The following ROBO1 variants were observed in gnomAD, a reference collection of about 807,000 sequenced individuals.
ROBO1 encodes roundabout guidance receptor 1.
ROBO1 carries 149 observed loss-of-function variants against 195.9 expected under a neutral mutation model. That is an observed-to-expected ratio of 0.76 (90% CI 0.67 to 0.87). ROBO1 has a LOEUF of 0.87. ROBO1 is among the 40% of genes least tolerant of loss of function. The pLI, the probability that ROBO1 is intolerant of heterozygous loss-of-function variation, is 0.00. For synonymous variants in ROBO1, 816 were observed against 733.2 expected, an observed-to-expected ratio of 1.11 and a Z score of -1.82; for missense variants, 1,933 against 2,068.3, an observed-to-expected ratio of 0.93 and a Z score of 1.27.
intron 3 of ROBO1, among the ~76,000 whole-genome samples, chr3:79,070,667 A>G (rs2079073079): frequency 6.6e-6 from 1 of 151,774 alleles, no homozygotes; most frequent in African/African-American, 2.4e-5. Flanking sequence ...ATATGTAACT[A>G]TTAAGTTTTG....
chr3:79,328,138 T>C (rs1181709134), intron 2 of ROBO1, among the ~76,000 whole-genome samples: 1 of 152,194 alleles, frequency 6.6e-6, no homozygotes, highest in Admixed American at 6.5e-5. Context: ...CAATTCTTTT[T>C]TAATAATATG....
At chr3:79,177,650 A>T (rs2081280121) in intron 2 of ROBO1, among the ~76,000 whole-genome samples, 1 of 152,234 alleles carries the variant, frequency 6.6e-6, no homozygotes, top group South Asian at 2.1e-4. Context: ...AATGGCTTTG[A>T]TTACTGAAGC....
chr3:79,531,978 C>T (rs1433511412), intron 2 of ROBO1, among the ~76,000 whole-genome samples: 4 of 152,110 alleles, frequency 2.6e-5, no homozygotes, highest in Non-Finnish European at 4.4e-5. Context: ...TTTGGGAATA[C>T]GATCTGTTTG....
At position 79,058,709 on chromosome 3, in the gene ROBO1, C is replaced by G. The variant is rs937777365; in HGVS notation, c.172+66747G>C. Among the ~76,000 whole-genome samples, 3 of 146,672 alleles carry G rather than the reference C, an allele frequency of 2.0e-5. No individual in the cohort carries two copies. In the East Asian group the frequency reaches 6.1e-4, roughly 30 times the overall value. ...TCATTTATACACTTGTATTAACTCC[C>G]TATTTTGACTTCAAGAAAAGTGTAA... On this transcript the variant is annotated intron_variant, in intron 3 of 30. Coordinates refer to ENST00000464233, the MANE Select transcript of ROBO1 (RefSeq NM_002941.4).
intron 4 of ROBO1, among the ~76,000 whole-genome samples, chr3:78,765,253 G>A (rs2083201054): frequency 6.6e-6 from 1 of 151,818 alleles, no homozygotes; most frequent in Admixed American, 6.6e-5. Context: ...TTGGAACTGG[G>A]TCCACCCTAA....
At chr3:79,180,872 G>A (rs1236748761) in intron 2 of ROBO1, among the ~76,000 whole-genome samples, 1 of 152,090 alleles carries the variant, frequency 6.6e-6, no homozygotes, top group Non-Finnish European at 1.5e-5. Flanking sequence ...GAGTGGATGA[G>A]GATCAGTGAT....
chr3:78,978,270 G>A (rs2076923967), intron 3 of ROBO1, among the ~76,000 whole-genome samples: 1 of 152,026 alleles, frequency 6.6e-6, no homozygotes, highest in Admixed American at 6.6e-5. Flanking sequence ...ATGGAGAAAT[G>A]AAGAGGGAAA....
intron 4 of ROBO1, among the ~76,000 whole-genome samples, chr3:78,818,130 C>G (rs2030350856): frequency 1.3e-5 from 2 of 152,308 alleles, no homozygotes; most frequent in South Asian, 4.1e-4. Flanking sequence ...TCTCCTCCCT[C>G]AATCTTTTAT....
chr3:78,819,213 C>A (rs1474874209), intron 4 of ROBO1, among the ~76,000 whole-genome samples: 4 of 152,070 alleles, frequency 2.6e-5, no homozygotes, highest in African/African-American at 9.7e-5. Flanking sequence ...GTTTTCACTC[C>A]ATAGTGTATT....
At chr3:79,378,465 T>C (rs1451819133) in intron 2 of ROBO1, among the ~76,000 whole-genome samples, 1 of 152,194 alleles carries the variant, frequency 6.6e-6, no homozygotes, top group Non-Finnish European at 1.5e-5. Context: ...GTTCTTTGTT[T>C]ATCTTATCCA....
chr3:79,302,691 T>C (rs538443420), intron 2 of ROBO1, among the ~76,000 whole-genome samples: 2 of 152,326 alleles, frequency 1.3e-5, no homozygotes, highest in East Asian at 3.9e-4. Flanking sequence ...TTTTCCGTGT[T>C]CTTTGAATTT....
At chr3:79,505,880 T>G (rs942412361) in intron 2 of ROBO1, among the ~76,000 whole-genome samples, 2 of 152,166 alleles carry the variant, frequency 1.3e-5, no homozygotes. Flanking sequence ...CTTTGAATGA[T>G]GGGTATGATA....
At chr3:78,711,381 TCC>T (rs1474582807) in intron 8 of ROBO1, among the ~76,000 whole-genome samples, 1,436 of 37,258 alleles carry the variant, frequency 0.039, 14 homozygotes, top group Admixed American at 0.086. Flanking sequence ...CTTCCTTCCT[TCC>T]TTCCTTCCTT....
At chr3:78,779,360 G>C (rs1233128102) in intron 4 of ROBO1, among the ~76,000 whole-genome samples, 2 of 152,116 alleles carry the variant, frequency 1.3e-5, no homozygotes, top group Non-Finnish European at 2.9e-5. Context: ...CTACCCATCT[G>C]ACAAAGGGCT....
chr3:78,678,018 A>T (rs1291910377), intron 10 of ROBO1, among the ~76,000 whole-genome samples: 2 of 151,980 alleles, frequency 1.3e-5, no homozygotes, highest in African/African-American at 4.8e-5. Context: ...GGATTAAGAA[A>T]CTCACTCAAA....
At chr3:79,463,250 C>T (rs1937753270) in intron 2 of ROBO1, among the ~76,000 whole-genome samples, 1 of 152,030 alleles carries the variant, frequency 6.6e-6, no homozygotes, top group Non-Finnish European at 1.5e-5. Flanking sequence ...TGGCGGGCGC[C>T]TGTAGTCCCA....
At chr3:79,403,238 C>T (rs1014072357) in intron 2 of ROBO1, among the ~76,000 whole-genome samples, 3 of 151,888 alleles carry the variant, frequency 2.0e-5, no homozygotes, top group Middle Eastern at 3.2e-3. Flanking sequence ...GAGAGATGAA[C>T]CAAGACTACA....
chr3:79,747,660 A>G (rs60476621), intron 1 of ROBO1, among the ~76,000 whole-genome samples: 58,281 of 151,916 alleles, frequency 0.38, 11,436 homozygotes, highest in East Asian at 0.44. Context: ...CAGGTGTAAC[A>G]TAGTCACCCC....
intron 6 of ROBO1, 104 bp from the exon 7 acceptor site, chr3:78,717,517 G>A (rs747448286): frequency 1.2e-5 from 13 of 1,107,160 alleles, no homozygotes; most frequent in South Asian, 2.9e-5. Context: ...AAATATCAGC[G>A]AGGAAATTAT....
Sources: allele counts gnomAD v4.1 joint callset (sites outside exome capture counted in the v4.1 genomes callset), GRCh38; gene constraint gnomAD v4.1.1; transcripts MANE v1.5; gene names NCBI Gene and HGNC (gene_info 2026-07-23, HGNC 2026-07-21).